Variants in TRPC4AP observed in about 807,000 individuals in gnomAD.
TRPC4AP encodes the protein short transient receptor potential channel 4-associated protein.
A neutral mutation model predicts 99.0 loss-of-function variants in TRPC4AP; 45 were observed. The ratio of observed to expected loss-of-function variants is 0.45; its 90% CI spans 0.36 to 0.58. The LOEUF is 0.58. Ranked by LOEUF, TRPC4AP falls within the 20% of genes least tolerant of loss-of-function variation. The pLI, the probability that TRPC4AP is intolerant of heterozygous loss-of-function variation, is 0.00. For missense variants in TRPC4AP, 879 were observed against 985.3 expected, an observed-to-expected ratio of 0.89 and a Z score of 1.44; for synonymous variants, 408 against 385.8, an observed-to-expected ratio of 1.06 and a Z score of -0.67.
chr20:35,092,203 T>C (rs1445720258), intron 1 of TRPC4AP, among the ~76,000 whole-genome samples: 2 of 151,996 alleles, frequency 1.3e-5, no homozygotes, highest in Admixed American at 1.3e-4. Context: ...ATGACATTTA[T>C]GAAATGCTCG....
Position 35,055,586 on chromosome 20 carries a change from T to C in TRPC4AP, c.473-555A>G, listed in dbSNP as rs372664355. Among the ~76,000 whole-genome samples, 8 of 152,346 alleles carry C rather than the reference T, an allele frequency of 5.3e-5. 1 individual carries two copies. The highest frequency in any genetic ancestry group is 7.4e-5 in the Non-Finnish European group (5 of 68,024). On this transcript the variant is annotated intron_variant, in intron 4 of 18. Coordinates refer to ENST00000252015, the MANE Select transcript of TRPC4AP (RefSeq NM_015638.3). ...TCAGGGGCACAATCACAGCTCACTG[T>C]AGTCTCGAACTCCTAGGCTCAAGCA...
chr20:35,077,973 A>G lies in TRPC4AP; in HGVS notation c.297+73T>C, dbSNP rs1004191898. On this transcript the variant is annotated intron_variant, in intron 2 of 18. Transcript: ENST00000252015. ...CTATTTTTAAAAGCCAACGGAAGGG[A>G]AAAAAAAAACAGCAGACATCTTGTG... 49 of 1,272,950 alleles carry G rather than the reference A, an allele frequency of 3.8e-5. No homozygotes were observed. In the East Asian group the frequency reaches 4.9e-4, roughly 13 times the overall value. 78.9% of individuals were successfully genotyped at this position (1,272,950 alleles called of 1,614,324 possible). A position where few individuals can be genotyped will look rare whatever the true frequency, so the allele number is the denominator to read the frequency against.
At chr20:35,037,562 T>C (rs1173100972) in intron 7 of TRPC4AP, among the ~76,000 whole-genome samples, 1 of 152,138 alleles carries the variant, frequency 6.6e-6, no homozygotes, top group Admixed American at 6.5e-5. Context: ...ATCTACATGA[T>C]GAGTATTATT....
At chr20:35,036,501 T>C (rs2083321861) in intron 7 of TRPC4AP, among the ~76,000 whole-genome samples, 1 of 152,258 alleles carries the variant, frequency 6.6e-6, no homozygotes, top group African/African-American at 2.4e-5. Flanking sequence ...GGGATTACTA[T>C]TAATTTTTGA....
intron 1 of TRPC4AP, among the ~76,000 whole-genome samples, chr20:35,081,752 C>T (rs2084652949): frequency 6.6e-6 from 1 of 152,002 alleles, no homozygotes; most frequent in Admixed American, 6.6e-5. Context: ...TCTGGGAGAC[C>T]GAGACAGGTA....
intron 5 of TRPC4AP, among the ~76,000 whole-genome samples, chr20:35,051,033 TAC>T (rs34091819): frequency 0.51 from 74,414 of 144,670 alleles, 18,971 homozygotes; most frequent in Middle Eastern, 0.65. Flanking sequence ...TGCTATAGCT[TAC>T]ACACACACAC....
At chr20:35,090,031 G>A (rs2085005606) in intron 1 of TRPC4AP, among the ~76,000 whole-genome samples, 1 of 151,364 alleles carries the variant, frequency 6.6e-6, no homozygotes, top group Admixed American at 6.6e-5. Context: ...AAGGTGGGAG[G>A]ATCACTTGAG....
At chr20:35,078,735 A>C (rs1349598111) in intron 1 of TRPC4AP, among the ~76,000 whole-genome samples, 1 of 152,222 alleles carries the variant, frequency 6.6e-6, no homozygotes, top group Non-Finnish European at 1.5e-5. Context: ...TGCTGTCTAC[A>C]AGAAACTCAT....
intron 1 of TRPC4AP, among the ~76,000 whole-genome samples, chr20:35,080,668 G>A (rs1030270126): frequency 6.6e-6 from 1 of 152,136 alleles, no homozygotes; most frequent in Non-Finnish European, 1.5e-5. Flanking sequence ...AAAGGCTGTG[G>A]GGATGGGGAA....
chr20:35,004,550 A>AT lies in TRPC4AP; in HGVS notation c.1956dup (p.Cys653MetfsTer129), dbSNP rs1160056874. On this transcript the variant is annotated frameshift_variant, in exon 17 of 19. Transcript: ENST00000252015. LOFTEE classifies it high-confidence loss of function. ...TGGGATATGTAGGCGAGCAGGCGGC[A>AT]TTCAGACAGTACCTCGGCAACTGTG... 6.2e-7 allele frequency: 1 copy of AT among 1,613,918 alleles called. No homozygotes were observed. Among genetic ancestry groups the AT allele is most frequent in the Non-Finnish European group, 8.5e-7 (1 of 1,179,936 alleles).
intron 8 of TRPC4AP, among the ~76,000 whole-genome samples, chr20:35,032,926 G>A (rs2083235428): frequency 6.6e-6 from 1 of 152,056 alleles, no homozygotes; most frequent in South Asian, 2.1e-4. Context: ...TTTTAGGCTG[G>A]GTGTGGTAGC....
chr20:35,009,643 T>TA (rs1038706964), intron 12 of TRPC4AP, among the ~76,000 whole-genome samples: 1 of 152,102 alleles, frequency 6.6e-6, no homozygotes, highest in Non-Finnish European at 1.5e-5. Flanking sequence ...ACCTTGTGTC[T>TA]AAAAAACAAA....
At chr20:35,037,930 A>C (rs2083359228) in intron 7 of TRPC4AP, among the ~76,000 whole-genome samples, 1 of 152,070 alleles carries the variant, frequency 6.6e-6, no homozygotes, top group Non-Finnish European at 1.5e-5. Flanking sequence ...TATGACATTC[A>C]CACAATGACA....
chr20:35,082,940 T>C (rs2084684437), intron 1 of TRPC4AP, among the ~76,000 whole-genome samples: 1 of 152,112 alleles, frequency 6.6e-6, no homozygotes, highest in African/African-American at 2.4e-5. Flanking sequence ...AATGGCAAAA[T>C]GTTTAAGGTT....
At position 35,044,393 on chromosome 20, in the gene TRPC4AP, A is replaced by C; in HGVS notation, c.865+112T>G. The C allele has an allele frequency of 2.7e-6, 3 of 1,128,428 alleles. No homozygotes were observed. The South Asian group carries it at 5.0e-5, about 19-fold the overall frequency. 69.9% of individuals were successfully genotyped at this position (1,128,428 alleles called of 1,614,324 possible). On this transcript the variant is annotated intron_variant, in intron 7 of 18. Transcript: ENST00000252015. ...GGTGACATAGTGACGATCCCATCTC[A>C]AAAAAGGAAAAAAAAAAAAAAAGAA...
chr20:35,070,787 G>C (rs2084289670), intron 2 of TRPC4AP, among the ~76,000 whole-genome samples: 1 of 152,154 alleles, frequency 6.6e-6, no homozygotes, highest in Non-Finnish European at 1.5e-5. Flanking sequence ...TTCCAAGACA[G>C]AGTATTTGAT....
At chr20:35,075,688 A>T (rs1039095341) in intron 2 of TRPC4AP, among the ~76,000 whole-genome samples, 2 of 152,070 alleles carry the variant, frequency 1.3e-5, no homozygotes, top group Admixed American at 6.6e-5. Flanking sequence ...GCTGCCCTTA[A>T]TATTTTTTCC....
intron 6 of TRPC4AP, among the ~76,000 whole-genome samples, chr20:35,049,421 G>C (rs1172968574): frequency 6.6e-6 from 1 of 152,132 alleles, no homozygotes; most frequent in African/African-American, 2.4e-5. Context: ...ATAAGTGAAA[G>C]CCAAACATTA....
intron 7 of TRPC4AP, among the ~76,000 whole-genome samples, chr20:35,038,589 G>A (rs536123762): frequency 1.4e-5 from 1 of 69,274 alleles, no homozygotes; most frequent in East Asian, 5.1e-4. Context: ...ATTACCATCT[G>A]TACAAACAGG....
Sources: gnomAD v4.1 joint callset for allele counts (sites outside exome capture counted in the v4.1 genomes callset) on GRCh38, gnomAD v4.1.1 for gene constraint, MANE v1.5 for transcripts, NCBI Gene and HGNC (gene_info 2026-07-23, HGNC 2026-07-21) for gene names.